Variants in EIF5B observed in about 807,000 individuals in gnomAD.
EIF5B encodes eukaryotic translation initiation factor 5B, also known as eIF-5B.
A neutral mutation model predicts 147.5 loss-of-function variants in EIF5B; 47 were observed. The ratio of observed to expected loss-of-function variants is 0.32; its 90% CI spans 0.25 to 0.41. EIF5B has a LOEUF of 0.41. Among genes scored for constraint, EIF5B ranks in the 10% least tolerant of loss-of-function variants. The pLI is 1.00. For synonymous variants in EIF5B, 455 were observed against 456.2 expected (o/e 1.00, Z 0.03); for missense variants, 1,064 against 1,413.2 (o/e 0.75, Z 3.96).
intron 14 of EIF5B, 156 bp from the exon 15 acceptor site, chr2:99,389,562 C>A: frequency 1.9e-6 from 1 of 526,414 alleles, no homozygotes; most frequent in Non-Finnish European, 3.0e-6. Flanking sequence ...TGCCGATAAG[C>A]AGTCTGAAAG....
At chr2:99,360,131 A>C in intron 1 of EIF5B, 105 bp from the exon 2 acceptor site, 2 of 1,333,508 alleles carry the variant, frequency 1.5e-6, no homozygotes, top group Non-Finnish European at 1.0e-6. Context: ...GATTTTTCTC[A>C]TTGTGCTGCT....
intron 6 of EIF5B, 139 bp downstream of exon 6, chr2:99,364,560 A>G (rs1674287751): frequency 1.3e-6 from 1 of 752,582 alleles, no homozygotes; most frequent in Non-Finnish European, 2.1e-6. Flanking sequence ...GTAAAACGTA[A>G]GGAATAGGTG....
chr2:99,343,512 T>C (rs2094265328), intron 1 of EIF5B, among the ~76,000 whole-genome samples: 1 of 152,070 alleles, frequency 6.6e-6, no homozygotes, highest in Non-Finnish European at 1.5e-5. Flanking sequence ...TTTACCTGTA[T>C]GTTTTCTTAA....
rs183282184 is a variant in EIF5B at position 99,365,589 on chromosome 2, C to T, written c.1288+1168C>T. On this transcript the variant is annotated intron_variant, in intron 6 of 23. Coordinates refer to ENST00000289371, the MANE Select transcript of EIF5B (RefSeq NM_015904.4). ...ATGAAGAAATTCAGATGGGACCAAGCAGGGAGTAATTTGCCAGTCTCAAAA... is the reference window on the plus strand; with the variant it reads ...ATGAAGAAATTCAGATGGGACCAAGTAGGGAGTAATTTGCCAGTCTCAAAA... 5.6e-4 allele frequency among the ~76,000 whole-genome samples: 86 copies of T among 152,240 alleles called. 1 individual carries two copies. The highest frequency in any genetic ancestry group is 5.5e-3 in the Admixed American group (84 of 15,284).
chr2:99,381,544 T>TG (rs1343309197), intron 12 of EIF5B, among the ~76,000 whole-genome samples: 1 of 151,720 alleles, frequency 6.6e-6, no homozygotes, highest in Non-Finnish European at 1.5e-5. Flanking sequence ...TGTGTGTGTG[T>TG]GTGTGTGTGA....
chr2:99,352,485 G>A (rs145977635), intron 1 of EIF5B, among the ~76,000 whole-genome samples: 2,061 of 150,016 alleles, frequency 0.014, 23 homozygotes, highest in Admixed American at 0.021. Flanking sequence ...GTGAGCCACC[G>A]TGCCCAGCCT....
Position 99,364,390 on chromosome 2 carries a change from C to T in EIF5B, c.1257C>T (p.Ala419=), listed in dbSNP as rs760202577. 2.6e-5 allele frequency: 42 copies of T among 1,606,784 alleles called. No individual in the cohort carries two copies. Among genetic ancestry groups the T allele is most frequent in the East Asian group, 1.8e-4 (8 of 44,852 alleles). ...CCCAGAGAGAAGCCAGAGCCAGAGC[C>T]GAAGCTACTCTTAAACTGCTACAAG... The part of the protein sequence containing the change: ...TKSQREARAR[A]EATLKLLQAQ... The change falls in exon 6 of 24, where the codon GCC becomes GCT. Residue 419 remains alanine (A), a synonymous_variant. Coordinates refer to ENST00000289371, the MANE Select transcript of EIF5B (RefSeq NM_015904.4).
chr2:99,362,399 A>G (rs1211795866), intron 4 of EIF5B, among the ~76,000 whole-genome samples: 3 of 152,118 alleles, frequency 2.0e-5, no homozygotes, highest in African/African-American at 7.2e-5. Context: ...TGGCCATACT[A>G]TATTCTTAAA....
intron 12 of EIF5B, among the ~76,000 whole-genome samples, chr2:99,381,516 GGGGT>G (rs1553536173): frequency 5.0e-3 from 672 of 134,786 alleles, no homozygotes; most frequent in Non-Finnish European, 5.9e-3. Flanking sequence ...ATACAAAAAG[GGGGT>G]GTGTGTGTGT....
Position 99,400,681 on chromosome 2 carries a change from T to C in EIF5B, c.*1267T>C, listed in dbSNP as rs951493689. The C allele has an allele frequency of 1.3e-5, 2 of 152,206 alleles. No homozygotes were observed. The highest frequency in any genetic ancestry group is 1.5e-5 in the Non-Finnish European group (1 of 68,046). The allele number at this position is 152,206 out of a possible 1,614,324, so 9.4% of individuals were successfully genotyped here. On this transcript the variant is annotated 3_prime_UTR_variant, in exon 24 of 24. Transcript: ENST00000289371. ...CTTCAAGTGGGTGTGAGGGTGTTTC[T>C]AATTCAAAATATGTAGATTTCTCCG...
chr2:99,347,265 C>A (rs2105336666), intron 1 of EIF5B, among the ~76,000 whole-genome samples: 1 of 152,280 alleles, frequency 6.6e-6, no homozygotes, highest in Non-Finnish European at 1.5e-5. Context: ...CCTTGGCCTC[C>A]CAAAGTGTTG....
intron 14 of EIF5B, among the ~76,000 whole-genome samples, chr2:99,386,763 C>G (rs1312028693): frequency 6.6e-6 from 1 of 151,982 alleles, no homozygotes; most frequent in Non-Finnish European, 1.5e-5. Context: ...CCAGGCTGGT[C>G]TCAAACTCCT....
chr2:99,372,417 C>A (rs1250897167), intron 9 of EIF5B, among the ~76,000 whole-genome samples: 2 of 152,206 alleles, frequency 1.3e-5, no homozygotes, highest in Non-Finnish European at 2.9e-5. Flanking sequence ...CGGCTCACAA[C>A]AACCTCCACC....
At chr2:99,367,281 C>T (rs1160047744) in intron 6 of EIF5B, among the ~76,000 whole-genome samples, 1 of 152,090 alleles carries the variant, frequency 6.6e-6, no homozygotes, top group Admixed American at 6.5e-5. Flanking sequence ...ATATAAAGAC[C>T]TCTCAAAATT....
rs147808282 is a variant in EIF5B, at chr2:99,381,818, C to T, written c.2062-341C>T. Among the ~76,000 whole-genome samples the T allele has an allele frequency of 1.5e-4, 23 of 152,236 alleles. 1 individual carries two copies. The East Asian group carries it at 4.4e-3, about 29-fold the overall frequency. On this transcript the variant is annotated intron_variant, in intron 12 of 23. Transcript: ENST00000289371. ...TAAATTTTCCCAATGCTGAGAACCACCTCTTGCATGTCAGATTTCTATAGA... is the reference window on the plus strand; with the variant it reads ...TAAATTTTCCCAATGCTGAGAACCATCTCTTGCATGTCAGATTTCTATAGA...
At chr2:99,364,448 T>C in intron 6 of EIF5B, 27 bp downstream of exon 6, 1 of 1,559,100 alleles carries the variant, frequency 6.4e-7, no homozygotes, top group Non-Finnish European at 8.6e-7. Flanking sequence ...ATTAACTGAA[T>C]GGTCAGAGAG....
At chr2:99,397,601 A>C (rs1487842228) in intron 22 of EIF5B, 1 of 152,244 alleles carries the variant, frequency 6.6e-6, no homozygotes, top group Non-Finnish European at 1.5e-5. Context: ...ACACTCATGC[A>C]GTTTCCCTGT....
intron 8 of EIF5B, 130 bp from the exon 9 acceptor site, chr2:99,371,526 C>T: frequency 1.6e-6 from 1 of 635,370 alleles, no homozygotes; most frequent in African/African-American, 1.9e-5. Flanking sequence ...AAGATAATAG[C>T]TGCATACATA....
intron 17 of EIF5B, 92 bp from the exon 18 acceptor site, chr2:99,392,875 T>G: frequency 1.7e-6 from 2 of 1,182,212 alleles, no homozygotes; most frequent in Non-Finnish European, 2.2e-6. Flanking sequence ...AAGAAACCTC[T>G]CTCTAATATC....
Sources: gnomAD v4.1 joint callset for allele counts (sites outside exome capture counted in the v4.1 genomes callset) on GRCh38, gnomAD v4.1.1 for gene constraint, MANE v1.5 for transcripts, NCBI Gene and HGNC (gene_info 2026-07-23, HGNC 2026-07-21) for gene names.